CBLB: variants seen among roughly 807,000 people sequenced by gnomAD.
The protein encoded by CBLB is Cbl proto-oncogene B, also known as E3 ubiquitin-protein ligase CBL-B.
Under a neutral mutation model 104.9 loss-of-function variants are expected in CBLB, and 31 were observed. The ratio of observed to expected loss-of-function variants is 0.30; its 90% CI spans 0.22 to 0.40. CBLB has a LOEUF of 0.40. Among genes scored for constraint, CBLB ranks in the 10% least tolerant of loss-of-function variants. CBLB has a pLI of 1.00. For synonymous variants in CBLB, 440 were observed against 422.6 expected (o/e 1.04, Z -0.51); for missense variants, 1,062 against 1,214.6 (o/e 0.87, Z 1.87).
At chr3:105,676,457 T>C (rs368889180) in intron 17 of CBLB, among the ~76,000 whole-genome samples, 1 of 152,184 alleles carries the variant, frequency 6.6e-6, no homozygotes, top group East Asian at 1.9e-4. Flanking sequence ...ACTTTATTTG[T>C]CAGAAAAGCC....
At chr3:105,702,485 A>AAC (rs1553727045) in intron 11 of CBLB, 26 bp from the exon 12 acceptor site, 1 of 1,469,384 alleles carries the variant, frequency 6.8e-7, no homozygotes, top group African/African-American at 1.4e-5. Context: ...AGAAAAAAAA[A>AAC]AAAAAAAAAA....
intron 3 of CBLB, among the ~76,000 whole-genome samples, chr3:105,827,718 T>C (rs80066514): frequency 0.012 from 1,875 of 152,292 alleles, 20 homozygotes; most frequent in Non-Finnish European, 0.02. Context: ...CAGCACTCTG[T>C]TTACGCCTCA....
chr3:105,848,389 C>G (rs2090548623), intron 3 of CBLB, among the ~76,000 whole-genome samples: 1 of 152,092 alleles, frequency 6.6e-6, no homozygotes, highest in African/African-American at 2.4e-5. Context: ...TTCTACCTCT[C>G]TCCTTCTACA....
intron 7 of CBLB, among the ~76,000 whole-genome samples, chr3:105,739,927 AC>A: frequency 6.6e-6 from 1 of 152,060 alleles, no homozygotes; most frequent in African/African-American, 2.4e-5. Context: ...ACACGGTGAA[AC>A]CCCGTCTCTA....
intron 4 of CBLB, among the ~76,000 whole-genome samples, chr3:105,773,372 T>A (rs2079087576): frequency 6.6e-6 from 1 of 152,116 alleles, no homozygotes; most frequent in Non-Finnish European, 1.5e-5. Flanking sequence ...ATAATGGACT[T>A]TGGGGTCGTG....
At chr3:105,743,459 CAAAA>C (rs11373751) in intron 6 of CBLB, among the ~76,000 whole-genome samples, 1 of 131,298 alleles carries the variant, frequency 7.6e-6, no homozygotes. Context: ...GACTCTGTCT[CAAAA>C]AAAAAAAAAA....
intron 17 of CBLB, among the ~76,000 whole-genome samples, chr3:105,677,291 C>T (rs1430384072): frequency 1.3e-5 from 2 of 150,326 alleles, no homozygotes; most frequent in Non-Finnish European, 2.9e-5. Flanking sequence ...CCAAGTTGTA[C>T]GTCCATAACT....
chr3:105,682,100 T>A lies in CBLB; in HGVS notation c.2202-282A>T, dbSNP rs2066388803. 8.5e-6 allele frequency: 3 copies of A among 352,198 alleles called. No homozygotes were observed. The East Asian group carries it at 1.7e-4, about 20-fold the overall frequency. The allele number at this position is 352,198 out of a possible 1,614,324, so 21.8% of individuals were successfully genotyped here. ...ATCCTAAACACTATGTAAAATTAAC[T>A]TATCTCTGTGGAAGAATTCAATAGA... On this transcript the variant is annotated intron_variant, in intron 14 of 18. Coordinates refer to ENST00000394030, the MANE Select transcript of CBLB (RefSeq NM_170662.5).
At chr3:105,868,249 A>G in intron 1 of CBLB, 1 of 1,226,850 alleles carries the variant, frequency 8.2e-7, no homozygotes, top group South Asian at 4.1e-5. Flanking sequence ...TTGAAAAGAG[A>G]AAAGAGAAAA....
Position 105,776,383 on chromosome 3 carries a change from G to C in CBLB, c.566+13C>G. On this transcript the variant is annotated intron_variant, in intron 4 of 18. Coordinates refer to ENST00000394030, the MANE Select transcript of CBLB (RefSeq NM_170662.5). ...AAGATAGATCCACAGCTATAAAAATGATTTTTACTTACTTGTCTCCAAAAA... is the reference window on the plus strand; with the variant it reads ...AAGATAGATCCACAGCTATAAAAATCATTTTTACTTACTTGTCTCCAAAAA... 6.2e-7 allele frequency: 1 copy of C among 1,611,614 alleles called. No homozygotes were observed. Among genetic ancestry groups the C allele is most frequent in the South Asian group, 1.1e-5 (1 of 90,984 alleles).
intron 6 of CBLB, among the ~76,000 whole-genome samples, chr3:105,744,219 CTA>C (rs1479262030): frequency 6.6e-6 from 1 of 151,988 alleles, no homozygotes; most frequent in Non-Finnish European, 1.5e-5. Flanking sequence ...CTCATTATTT[CTA>C]TGATTGGACA....
At chr3:105,823,884 C>T (rs148648985) in intron 3 of CBLB, among the ~76,000 whole-genome samples, 1 of 152,246 alleles carries the variant, frequency 6.6e-6, no homozygotes, top group African/African-American at 2.4e-5. Flanking sequence ...GTCTCCATCA[C>T]TCTCTTCCTT....
chr3:105,836,427 A>G (rs2088510068), intron 3 of CBLB, among the ~76,000 whole-genome samples: 1 of 152,238 alleles, frequency 6.6e-6, no homozygotes, highest in South Asian at 2.1e-4. Flanking sequence ...AACTATCCAG[A>G]TAAATTTTAA....
chr3:105,768,008 C>T (rs987284200), intron 4 of CBLB, among the ~76,000 whole-genome samples: 1 of 152,192 alleles, frequency 6.6e-6, no homozygotes, highest in South Asian at 2.1e-4. Flanking sequence ...GCACATTCCT[C>T]TACTTCTCAA....
chr3:105,707,304 A>C (rs908897473), intron 10 of CBLB, among the ~76,000 whole-genome samples: 12 of 152,202 alleles, frequency 7.9e-5, no homozygotes, highest in African/African-American at 2.9e-4. Context: ...TGAAGAATTA[A>C]TTCATTTAGA....
chr3:105,823,243 C>G (rs1298762032), intron 3 of CBLB, among the ~76,000 whole-genome samples: 4 of 152,116 alleles, frequency 2.6e-5, no homozygotes, highest in Non-Finnish European at 2.9e-5. Flanking sequence ...TTAGGATCAG[C>G]GTCTCTGACA....
intron 10 of CBLB, among the ~76,000 whole-genome samples, chr3:105,705,990 T>A (rs1051424147): frequency 3.6e-4 from 54 of 151,988 alleles, no homozygotes; most frequent in Non-Finnish European, 6.8e-4. Flanking sequence ...TTATTTTTTT[T>A]AAATTAGAAT....
At chr3:105,834,668 A>G (rs9874468) in intron 3 of CBLB, among the ~76,000 whole-genome samples, 3 of 151,692 alleles carry the variant, frequency 2.0e-5, no homozygotes, top group Non-Finnish European at 4.4e-5. Flanking sequence ...AAAAGAAAAG[A>G]AAATCAAGTA....
chr3:105,717,570 A>G (rs2072091970), intron 10 of CBLB, among the ~76,000 whole-genome samples: 1 of 152,200 alleles, frequency 6.6e-6, no homozygotes, highest in South Asian at 2.1e-4. Flanking sequence ...AATCAATAAA[A>G]CCAGCATTAA....
Sources: allele counts gnomAD v4.1 joint callset (sites outside exome capture counted in the v4.1 genomes callset), GRCh38; gene constraint gnomAD v4.1.1; transcripts MANE v1.5; gene names NCBI Gene and HGNC (gene_info 2026-07-23, HGNC 2026-07-21).